Variants in MOB3B observed in about 807,000 individuals in gnomAD.
The protein encoded by MOB3B is MOB kinase activator 3B.
Under a neutral mutation model 18.7 loss-of-function variants are expected in MOB3B, and 7 were observed. The observed-to-expected ratio is 0.37, with a 90% CI of 0.21 to 0.70. The LOEUF is 0.70. Among genes scored for constraint, MOB3B ranks in the 30% least tolerant of loss-of-function variants. The pLI, the probability that MOB3B is intolerant of heterozygous loss-of-function variation, is 0.52. For missense variants in MOB3B, 253 were observed against 281.3 expected (o/e 0.90, Z 0.72); for synonymous variants, 111 against 99.9 (o/e 1.11, Z -0.66).
chr9:27,420,772 A>G (rs912018152), intron 2 of MOB3B, among the ~76,000 whole-genome samples: 1 of 150,320 alleles, frequency 6.7e-6, no homozygotes, highest in African/African-American at 2.4e-5. Context: ...GAATGATACA[A>G]CGGACTTCAG....
chr9:27,368,385 CAT>C (rs1554645705), intron 2 of MOB3B, among the ~76,000 whole-genome samples: 8 of 149,534 alleles, frequency 5.3e-5, no homozygotes, highest in East Asian at 1.9e-4. Context: ...CACACACACA[CAT>C]ACAGAGAGGG....
At chr9:27,347,856 C>T (rs1821051469) in intron 3 of MOB3B, among the ~76,000 whole-genome samples, 1 of 152,186 alleles carries the variant, frequency 6.6e-6, no homozygotes, top group Non-Finnish European at 1.5e-5. Flanking sequence ...AGCCTAGGAG[C>T]AATAGGCTAT....
chr9:27,502,824 T>C (rs1024645261), intron 1 of MOB3B, among the ~76,000 whole-genome samples: 10 of 152,228 alleles, frequency 6.6e-5, no homozygotes, highest in Admixed American at 6.5e-5. Context: ...CTAAAGAGAA[T>C]GTCACAGGAA....
intron 2 of MOB3B, among the ~76,000 whole-genome samples, chr9:27,419,255 C>T (rs1822203822): frequency 6.6e-6 from 1 of 152,046 alleles, no homozygotes; most frequent in Non-Finnish European, 1.5e-5. Flanking sequence ...AAATTCAATG[C>T]AATTCCCATC....
chr9:27,507,465 A>G (rs1820077158), intron 1 of MOB3B, among the ~76,000 whole-genome samples: 1 of 152,168 alleles, frequency 6.6e-6, no homozygotes, highest in South Asian at 2.1e-4. Flanking sequence ...GCACTCCCCA[A>G]ATGTCAACTG....
intron 3 of MOB3B, among the ~76,000 whole-genome samples, chr9:27,336,332 G>A (rs76590522): frequency 3.8e-5 from 5 of 130,540 alleles, no homozygotes; most frequent in South Asian, 4.2e-4. Flanking sequence ...AATGGATAAG[G>A]GGGGGGAAGA....
intron 2 of MOB3B, among the ~76,000 whole-genome samples, chr9:27,450,540 A>T (rs962141289): frequency 2.8e-4 from 43 of 152,330 alleles, no homozygotes; most frequent in African/African-American, 9.4e-4. Context: ...TTTATCTAAA[A>T]GTTCTAGCCA....
intron 1 of MOB3B, among the ~76,000 whole-genome samples, chr9:27,464,096 A>AT (rs1819338590): frequency 1.3e-5 from 2 of 152,272 alleles, no homozygotes; most frequent in Non-Finnish European, 2.9e-5. Context: ...GGTTATTGAC[A>AT]TAGTGACTGA....
intron 3 of MOB3B, among the ~76,000 whole-genome samples, chr9:27,349,808 G>T (rs1021217671): frequency 6.6e-6 from 1 of 152,156 alleles, no homozygotes; most frequent in Non-Finnish European, 1.5e-5. Context: ...GGAGAGAAGT[G>T]GCTTAGCAAA....
At chr9:27,353,634 T>C (rs1016197840) in intron 3 of MOB3B, among the ~76,000 whole-genome samples, 7 of 152,122 alleles carry the variant, frequency 4.6e-5, no homozygotes, top group Non-Finnish European at 8.8e-5. Flanking sequence ...ACCCAGGGGT[T>C]AGCAGGTGCA....
intron 2 of MOB3B, among the ~76,000 whole-genome samples, chr9:27,410,293 T>C (rs879707440): frequency 6.6e-6 from 1 of 152,124 alleles, no homozygotes; most frequent in Non-Finnish European, 1.5e-5. Context: ...CCTCAGCTCA[T>C]TCTTTACCCA....
intron 1 of MOB3B, among the ~76,000 whole-genome samples, chr9:27,496,042 C>T (rs1051582856): frequency 2.0e-5 from 3 of 152,196 alleles, no homozygotes; most frequent in Admixed American, 6.5e-5. Context: ...CACATAGAAG[C>T]GTTATCTCTC....
chr9:27,429,068 C>T (rs1822381184), intron 2 of MOB3B, among the ~76,000 whole-genome samples: 1 of 152,142 alleles, frequency 6.6e-6, no homozygotes, highest in Non-Finnish European at 1.5e-5. Flanking sequence ...TATATGTAAC[C>T]CCCATAAGTC....
chr9:27,337,561 A>C (rs539643186), intron 3 of MOB3B, among the ~76,000 whole-genome samples: 135 of 152,312 alleles, frequency 8.9e-4, no homozygotes, highest in Non-Finnish European at 1.7e-3. Context: ...TTATCTCAAG[A>C]TCTAACCCAC....
intron 2 of MOB3B, among the ~76,000 whole-genome samples, chr9:27,362,550 C>T (rs1821287477): frequency 1.3e-5 from 2 of 152,132 alleles, no homozygotes; most frequent in Admixed American, 6.5e-5. Context: ...AGTCAGGCCC[C>T]ACTCTTCCAC....
intron 1 of MOB3B, among the ~76,000 whole-genome samples, chr9:27,481,800 C>G (rs1373499470): frequency 6.6e-6 from 1 of 152,126 alleles, no homozygotes; most frequent in East Asian, 1.9e-4. Flanking sequence ...GCAAGGATTA[C>G]AGGCGTGAGC....
At chr9:27,401,458 C>T (rs1821877752) in intron 2 of MOB3B, among the ~76,000 whole-genome samples, 1 of 152,174 alleles carries the variant, frequency 6.6e-6, no homozygotes, top group East Asian at 1.9e-4. Context: ...GGACCTGTGT[C>T]AACGACAGGT....
chr9:27,407,595 G>T (rs767786610), intron 2 of MOB3B, among the ~76,000 whole-genome samples: 2 of 152,162 alleles, frequency 1.3e-5, no homozygotes, highest in African/African-American at 4.8e-5. Context: ...TGGAGAAGCA[G>T]TGGTGATAAG....
chr9:27,512,878 A>G (rs1003743898), intron 1 of MOB3B, among the ~76,000 whole-genome samples: 1 of 152,200 alleles, frequency 6.6e-6, no homozygotes, highest in Non-Finnish European at 1.5e-5. Flanking sequence ...AAATATCATA[A>G]TGTATAGGAA....
Sources: gnomAD v4.1 joint callset for allele counts (sites outside exome capture counted in the v4.1 genomes callset) on GRCh38, gnomAD v4.1.1 for gene constraint, MANE v1.5 for transcripts, NCBI Gene and HGNC (gene_info 2026-07-23, HGNC 2026-07-21) for gene names.